MYO1B: variants seen among roughly 807,000 people sequenced by gnomAD.
The protein encoded by MYO1B is myosin IB.
Under a neutral mutation model 159.7 loss-of-function variants are expected in MYO1B, and 72 were observed. That is an observed-to-expected ratio of 0.45 (90% confidence interval 0.37 to 0.55). The LOEUF is 0.55. Among genes scored for constraint, MYO1B ranks in the 20% least tolerant of loss-of-function variants. The probability of loss-of-function intolerance (pLI) is 0.00; values close to 1 mark genes in which losing one functional copy is unlikely to be tolerated. For synonymous variants in MYO1B, 468 were observed against 473.8 expected (o/e 0.99, Z 0.16); for missense variants, 1,062 against 1,364.8 (o/e 0.78, Z 3.50).
At chr2:191,251,640 G>T (rs576322666) in intron 1 of MYO1B, among the ~76,000 whole-genome samples, 1 of 152,194 alleles carries the variant, frequency 6.6e-6, no homozygotes, top group African/African-American at 2.4e-5. Context: ...ATATAGTAAT[G>T]TATTTCAGAA....
intron 24 of MYO1B, 112 bp from the exon 25 acceptor site, chr2:191,408,003 G>A: frequency 1.7e-6 from 1 of 581,994 alleles, no homozygotes; most frequent in Non-Finnish European, 3.0e-6. Context: ...ATCTAGAAAG[G>A]ACACTTATAA....
chr2:191,366,432 A>T (rs1425212374), intron 11 of MYO1B, among the ~76,000 whole-genome samples: 1 of 151,358 alleles, frequency 6.6e-6, no homozygotes, highest in African/African-American at 2.4e-5. Flanking sequence ...GGTTCTACTG[A>T]TCTATTGCCT....
chr2:191,250,345 G>A (rs954407017), intron 1 of MYO1B, among the ~76,000 whole-genome samples: 1 of 152,194 alleles, frequency 6.6e-6, no homozygotes, highest in African/African-American at 2.4e-5. Context: ...TCAGAACCCT[G>A]ACTGAGGTCC....
At chr2:191,335,563 G>A (rs1226405611) in intron 4 of MYO1B, among the ~76,000 whole-genome samples, 1 of 152,130 alleles carries the variant, frequency 6.6e-6, no homozygotes, top group Admixed American at 6.5e-5. Context: ...ATTTTGAAAT[G>A]TCATATCATC....
rs1691428931 is a variant in MYO1B at position 191,330,917 on chromosome 2, T to A, written c.346+888T>A. ...AGTTGTAACATTTACACATTTTGAG[T>A]TCCCATTGATCAAGAGAAGAAAATC... On this transcript the variant is annotated intron_variant, in intron 4 of 30. Transcript: ENST00000392318. Among the ~76,000 whole-genome samples the A allele has an allele frequency of 2.0e-5, 3 of 152,320 alleles. No homozygotes were observed. The South Asian group carries it at 6.2e-4, about 32-fold the overall frequency.
intron 1 of MYO1B, among the ~76,000 whole-genome samples, chr2:191,252,460 T>C (rs1333491345): frequency 2.0e-5 from 3 of 152,246 alleles, no homozygotes; most frequent in Admixed American, 2.0e-4. Context: ...TAAAAACCTC[T>C]TATCCATGTA....
At chr2:191,262,549 A>T (rs1686882040) in intron 1 of MYO1B, among the ~76,000 whole-genome samples, 1 of 152,146 alleles carries the variant, frequency 6.6e-6, no homozygotes, top group Admixed American at 6.6e-5. Context: ...AGTTGTTGCC[A>T]TCTTGATGTG....
chr2:191,276,803 G>A, intron 1 of MYO1B, 84 bp from the exon 2 acceptor site: 2 of 1,449,384 alleles, frequency 1.4e-6, no homozygotes, highest in Non-Finnish European at 9.3e-7. Flanking sequence ...GGAGCTACCA[G>A]TGTTGGATTT....
intron 18 of MYO1B, among the ~76,000 whole-genome samples, 155 bp downstream of exon 18, chr2:191,390,647 T>C (rs1380779635): frequency 6.6e-6 from 1 of 152,264 alleles, no homozygotes. Context: ...CATTTTGTGC[T>C]AAGGTCAAAA....
At chr2:191,262,188 A>C (rs1042575035) in intron 1 of MYO1B, among the ~76,000 whole-genome samples, 1 of 152,040 alleles carries the variant, frequency 6.6e-6, no homozygotes, top group East Asian at 1.9e-4. Flanking sequence ...TCCTTGATAT[A>C]CTGTCTTGTA....
intron 7 of MYO1B, among the ~76,000 whole-genome samples, chr2:191,356,593 A>G (rs1693307726): frequency 1.3e-5 from 2 of 152,198 alleles, no homozygotes; most frequent in Non-Finnish European, 1.5e-5. Flanking sequence ...AAAGGAGACT[A>G]TATACAAATA....
chr2:191,318,270 A>C (rs1323092875), intron 3 of MYO1B, among the ~76,000 whole-genome samples: 1 of 152,198 alleles, frequency 6.6e-6, no homozygotes. Context: ...CCAGCTCTAG[A>C]GGAGGGCCTT....
rs1000408893 is a variant in MYO1B at position 191,257,211 on chromosome 2, TTTAC to T, written c.-10+11594_-10+11597del. 1.2e-3 allele frequency among the ~76,000 whole-genome samples: 189 copies of T among 152,302 alleles called. 1 individual carries two copies. The highest frequency in any genetic ancestry group is 4.5e-3 in the African/African-American group (185 of 41,564). ...CTCAGAAATCTAAATGAAGTTGCCC[TTTAC>T]TTACTTACACCTAAATTAATTGATT... On this transcript the variant is annotated intron_variant, in intron 1 of 30. Coordinates refer to ENST00000392318, the MANE Select transcript of MYO1B (RefSeq NM_001130158.3).
At chr2:191,401,383 G>A (rs1304126373) in intron 23 of MYO1B, among the ~76,000 whole-genome samples, 1 of 152,102 alleles carries the variant, frequency 6.6e-6, no homozygotes, top group Non-Finnish European at 1.5e-5. Context: ...AGAAAACTAT[G>A]TTCATGCACA....
chr2:191,416,005 C>T, intron 29 of MYO1B, 110 bp from the exon 30 acceptor site: 1 of 1,216,252 alleles, frequency 8.2e-7, no homozygotes, highest in Non-Finnish European at 1.2e-6. Flanking sequence ...AGAATGGATT[C>T]CAGGATCTGA....
chr2:191,374,246 A>G (rs941134648), intron 13 of MYO1B, among the ~76,000 whole-genome samples: 1 of 152,258 alleles, frequency 6.6e-6, no homozygotes, highest in African/African-American at 2.4e-5. Flanking sequence ...AGAAGTATTC[A>G]GATCCACATC....
intron 13 of MYO1B, among the ~76,000 whole-genome samples, chr2:191,372,401 G>A (rs1159796054): frequency 6.6e-6 from 1 of 152,156 alleles, no homozygotes; most frequent in African/African-American, 2.4e-5. Flanking sequence ...CATGGGAAAA[G>A]AAACACTTAT....
intron 2 of MYO1B, among the ~76,000 whole-genome samples, chr2:191,293,209 T>C (rs1036805412): frequency 1.3e-5 from 2 of 152,224 alleles, no homozygotes; most frequent in Non-Finnish European, 2.9e-5. Context: ...GAAATTCCAA[T>C]TGAAGGAGTG....
At chr2:191,326,092 C>T (rs1039759219) in intron 3 of MYO1B, among the ~76,000 whole-genome samples, 2 of 152,198 alleles carry the variant, frequency 1.3e-5, no homozygotes, top group African/African-American at 4.8e-5. Context: ...CTCCCTTACG[C>T]TATCGTCATT....
Sources: gnomAD v4.1 joint callset for allele counts (sites outside exome capture counted in the v4.1 genomes callset) on GRCh38, gnomAD v4.1.1 for gene constraint, MANE v1.5 for transcripts, NCBI Gene and HGNC (gene_info 2026-07-23, HGNC 2026-07-21) for gene names.